UCMA: variants seen among roughly 807,000 people sequenced by gnomAD.
UCMA encodes the protein upper zone of growth plate and cartilage matrix associated, also known as upper zone of growth plate and cartilage matrix-associated protein.
UCMA carries 21 observed loss-of-function variants against 21.8 expected under a neutral mutation model. That is an observed-to-expected ratio of 0.97 (90% CI 0.68 to 1.39). The LOEUF is 1.39. Ranked by LOEUF, UCMA falls within the 40% of genes most tolerant of loss-of-function variation. UCMA has a pLI of 0.00. For missense variants in UCMA, 193 were observed against 178.9 expected (o/e 1.08, Z -0.45); for synonymous variants, 76 against 67.9 (o/e 1.12, Z -0.58).
intron 3 of UCMA, among the ~76,000 whole-genome samples, chr10:13,232,540 A>G (rs17152975): frequency 0.14 from 20,664 of 151,984 alleles, 1,679 homozygotes; most frequent in East Asian, 0.32. Flanking sequence ...CAACTTTTAA[A>G]TCTCCAGTTG....
chr10:13,230,374 A>G (rs1427888766), intron 3 of UCMA, among the ~76,000 whole-genome samples: 1 of 152,210 alleles, frequency 6.6e-6, no homozygotes, highest in East Asian at 1.9e-4. Context: ...GGAGAAAGAC[A>G]TAAGACAAGT....
At chr10:13,225,423 C>T (rs1216561772) in intron 4 of UCMA, among the ~76,000 whole-genome samples, 1 of 152,012 alleles carries the variant, frequency 6.6e-6, no homozygotes, top group Non-Finnish European at 1.5e-5. Context: ...GCCTGTAATC[C>T]CAGCACTGTG....
intron 4 of UCMA, among the ~76,000 whole-genome samples, chr10:13,227,323 G>A (rs1041022738): frequency 6.6e-6 from 1 of 152,208 alleles, no homozygotes; most frequent in Non-Finnish European, 1.5e-5. Context: ...CCACAAAGGC[G>A]ACCTAAACTG....
chr10:13,223,695 G>A (rs1834787954), intron 4 of UCMA, among the ~76,000 whole-genome samples: 1 of 152,118 alleles, frequency 6.6e-6, no homozygotes, highest in Non-Finnish European at 1.5e-5. Context: ...GGGATTACAG[G>A]TGCATGCCAC....
intron 3 of UCMA, among the ~76,000 whole-genome samples, chr10:13,230,387 T>C (rs1834882643): frequency 6.6e-6 from 1 of 152,204 alleles, no homozygotes; most frequent in African/African-American, 2.4e-5. Flanking sequence ...AGACAAGTTT[T>C]ACCAAGCATT....
intron 1 of UCMA, 88 bp from the exon 2 acceptor site, chr10:13,233,888 G>T: frequency 6.5e-7 from 1 of 1,543,732 alleles, no homozygotes. Flanking sequence ...TCCAGGCTAA[G>T]CGTCCTGCCA....
intron 4 of UCMA, among the ~76,000 whole-genome samples, chr10:13,224,168 T>TA (rs1260654333): frequency 2.6e-5 from 4 of 151,842 alleles, no homozygotes; most frequent in African/African-American, 9.7e-5. Flanking sequence ...CTACAAAAAA[T>TA]AAAAAAATAT....
intron 3 of UCMA, among the ~76,000 whole-genome samples, chr10:13,233,225 G>C (rs17152977): frequency 0.023 from 3,494 of 152,316 alleles, 178 homozygotes; most frequent in East Asian, 0.15. Flanking sequence ...GAAATCCAAT[G>C]CATCTTATCC....
Position 13,222,075 on chromosome 10 carries a change from T to G in UCMA, c.*28A>C. 1 of 1,612,254 alleles carries G rather than the reference T, an allele frequency of 6.2e-7. No homozygotes were observed. Among genetic ancestry groups the G allele is most frequent in the Non-Finnish European group, 8.5e-7 (1 of 1,178,356 alleles). On this transcript the variant is annotated 3_prime_UTR_variant, in exon 5 of 5. Coordinates refer to ENST00000378681, the MANE Select transcript of UCMA (RefSeq NM_145314.3). ...GGGATGCCAATGGTGCTACAAGCTT[T>G]GTCTTCTTGGCCGGCTTCAGGATGG...
chr10:13,234,179 A>G (rs942418), intron 1 of UCMA, 22 bp downstream of exon 1: 1,592,851 of 1,606,304 alleles, frequency 0.99, 790,073 homozygotes, highest in East Asian at 1. Flanking sequence ...AACACCCTCC[A>G]CCTTGACCCT....
chr10:13,226,561 GC>G (rs1408314474), intron 4 of UCMA, among the ~76,000 whole-genome samples: 10 of 152,158 alleles, frequency 6.6e-5, no homozygotes, highest in African/African-American at 1.7e-4. Context: ...CTGGCTTCAA[GC>G]AATGCTCCCA....
chr10:13,231,493 G>T (rs370857059), intron 3 of UCMA, among the ~76,000 whole-genome samples: 23 of 152,274 alleles, frequency 1.5e-4, no homozygotes, highest in South Asian at 1.2e-3. Flanking sequence ...TGCTCCAAGC[G>T]CCAGAAAGCC....
chr10:13,226,958 A>G (rs777858258), intron 4 of UCMA, among the ~76,000 whole-genome samples: 43 of 152,220 alleles, frequency 2.8e-4, no homozygotes, highest in Non-Finnish European at 4.3e-4. Flanking sequence ...TGCTATTTTA[A>G]TAGTATGAGT....
chr10:13,234,363 A>C lies in UCMA; in HGVS notation c.-105T>G. On this transcript the variant is annotated 5_prime_UTR_variant, in exon 1 of 5. Coordinates refer to ENST00000378681, the MANE Select transcript of UCMA (RefSeq NM_145314.3). ...GCAGGCAGCCCAGGCGAGAGGAAGG[A>C]AGGCGGGGGAGGGAAGAGAGAGGCA... The C allele has an allele frequency of 8.3e-7, 1 of 1,201,894 alleles. No homozygotes were observed. Among genetic ancestry groups the C allele is most frequent in the Non-Finnish European group, 1.2e-6 (1 of 858,176 alleles). 74.5% of individuals were successfully genotyped at this position (1,201,894 alleles called of 1,614,324 possible).
chr10:13,228,881 C>T (rs1470574231), intron 4 of UCMA, among the ~76,000 whole-genome samples: 5 of 152,124 alleles, frequency 3.3e-5, no homozygotes, highest in Admixed American at 6.6e-5. Flanking sequence ...ATTCTGTCCC[C>T]TTCCACACCT....
chr10:13,225,542 G>T (rs913596059), intron 4 of UCMA, among the ~76,000 whole-genome samples: 6 of 151,970 alleles, frequency 3.9e-5, no homozygotes, highest in Admixed American at 2.0e-4. Context: ...AGGCGTGGTG[G>T]TGGGTGCCTG....
intron 3 of UCMA, 25 bp downstream of exon 3, chr10:13,233,513 G>C (rs1564405160): frequency 1.9e-6 from 3 of 1,597,050 alleles, no homozygotes; most frequent in Non-Finnish European, 2.6e-6. Context: ...ATGGACGCGG[G>C]ATGGGGTCCC....
intron 4 of UCMA, 50 bp from the exon 5 acceptor site, chr10:13,222,250 G>A: frequency 1.3e-6 from 2 of 1,534,642 alleles, no homozygotes; most frequent in South Asian, 1.1e-5. Context: ...ACTCTGACCT[G>A]CCACTGAGCC....
At chr10:13,233,509 GC>G (rs1834926584) in intron 3 of UCMA, 28 bp downstream of exon 3, 2 of 1,585,706 alleles carry the variant, frequency 1.3e-6, no homozygotes, top group African/African-American at 2.7e-5. Flanking sequence ...GGTGATGGAC[GC>G]GGGATGGGGT....
Sources: gnomAD v4.1 joint callset for allele counts (sites outside exome capture counted in the v4.1 genomes callset) on GRCh38, gnomAD v4.1.1 for gene constraint, MANE v1.5 for transcripts, NCBI Gene and HGNC (gene_info 2026-07-23, HGNC 2026-07-21) for gene names.